CIT: variants seen among roughly 807,000 people sequenced by gnomAD.
CIT encodes citron Rho-interacting kinase.
CIT carries 79 observed loss-of-function variants against 272.7 expected under a neutral mutation model. The observed-to-expected ratio is 0.29, with a 90% CI of 0.24 to 0.35. The LOEUF is 0.35. CIT is among the 10% of genes least tolerant of loss of function. The pLI is 1.00. For synonymous variants in CIT, 948 were observed against 995.6 expected (o/e 0.95, Z 0.90); for missense variants, 1,909 against 2,618.3 (o/e 0.73, Z 5.91).
intron 9 of CIT, among the ~76,000 whole-genome samples, chr12:119,814,183 A>G (rs1273135135): frequency 1.3e-5 from 2 of 152,202 alleles, no homozygotes; most frequent in East Asian, 1.9e-4. Flanking sequence ...AAAGTAGAAT[A>G]TTACATATTT....
chr12:119,748,374 T>C (rs1047277375), intron 23 of CIT, among the ~76,000 whole-genome samples: 1 of 152,296 alleles, frequency 6.6e-6, no homozygotes, highest in East Asian at 1.9e-4. Context: ...AAAAGTAAAC[T>C]ACAATGTAGC....
At chr12:119,781,762 G>C (rs772983703) in intron 13 of CIT, among the ~76,000 whole-genome samples, 7 of 152,174 alleles carry the variant, frequency 4.6e-5, no homozygotes, top group Admixed American at 6.5e-5. Flanking sequence ...TGTTAATCCT[G>C]ACTTGACCTT....
intron 28 of CIT, among the ~76,000 whole-genome samples, chr12:119,721,957 G>A (rs936623639): frequency 6.6e-6 from 1 of 152,196 alleles, no homozygotes; most frequent in Non-Finnish European, 1.5e-5. Flanking sequence ...ATTAGGGTAA[G>A]AGACCCCAAC....
intron 23 of CIT, among the ~76,000 whole-genome samples, chr12:119,743,913 C>T (rs1314465130): frequency 6.6e-6 from 1 of 152,002 alleles, no homozygotes; most frequent in Non-Finnish European, 1.5e-5. Context: ...AAGGCAGAGA[C>T]CAAGAATCTT....
intron 40 of CIT, among the ~76,000 whole-genome samples, chr12:119,705,771 C>CAAAAAAA (rs148188101): frequency 1.1e-4 from 5 of 46,620 alleles, no homozygotes; most frequent in Non-Finnish European, 1.9e-4. Flanking sequence ...GACTCTGTCT[C>CAAAAAAA]AAAAAAAAAA....
intron 20 of CIT, among the ~76,000 whole-genome samples, chr12:119,759,728 C>G (rs1961508316): frequency 6.6e-6 from 1 of 152,064 alleles, no homozygotes; most frequent in Non-Finnish European, 1.5e-5. Context: ...CAAAACCATC[C>G]CCCCACCCCT....
In CIT at chr12:119,710,560, T is replaced by C. The variant is rs1311895819; in HGVS notation, c.4915A>G (p.Thr1639Ala). 1 of 1,614,232 alleles carries C rather than the reference T, an allele frequency of 6.2e-7. No homozygotes were observed. Among genetic ancestry groups the C allele is most frequent in the South Asian group, 1.1e-5 (1 of 91,084 alleles). Residue 1639 changes from threonine (T) to alanine (A), a missense_variant, in exon 38 of 48, where the codon ACG becomes GCG. Coordinates refer to ENST00000392521, the MANE Select transcript of CIT (RefSeq NM_001206999.2). The surrounding 1 kb of genome is among the most constrained non-coding windows in gnomAD (Gnocchi z 5.6). ...ATTACCTGGTCACTGAAGGGCAGCG[T>C]GCAGTTCATGTCTAGACGGTCATCA... ...EGDDRLDMNC[T>A]LPFSDQVVLV... is the part of the protein sequence containing the mutation.
chr12:119,782,412 T>TTC (rs1964382591), intron 13 of CIT, 106 bp downstream of exon 13: 27 of 1,319,016 alleles, frequency 2.0e-5, no homozygotes, highest in Non-Finnish European at 2.6e-5. Context: ...CCCCCACCCT[T>TTC]TCTCTCTCTC....
intron 3 of CIT, among the ~76,000 whole-genome samples, chr12:119,863,332 A>G (rs11064940): frequency 0.046 from 7,004 of 152,016 alleles, 286 homozygotes; most frequent in African/African-American, 0.11. Flanking sequence ...GGACACTAAG[A>G]AGGGAACAAC....
At chr12:119,832,231 CT>C (rs1968688935) in intron 7 of CIT, among the ~76,000 whole-genome samples, 1 of 152,186 alleles carries the variant, frequency 6.6e-6, no homozygotes, top group Non-Finnish European at 1.5e-5. Flanking sequence ...AGTAGTCTCA[CT>C]CTTGATCTCA....
chr12:119,788,860 G>C (rs909828308), intron 10 of CIT, among the ~76,000 whole-genome samples: 4 of 152,080 alleles, frequency 2.6e-5, no homozygotes, highest in African/African-American at 9.7e-5. Context: ...GCAATTAAGA[G>C]CTCTTTAGAA....
chr12:119,780,846 C>T (rs1452756429), intron 13 of CIT, among the ~76,000 whole-genome samples: 1 of 152,162 alleles, frequency 6.6e-6, no homozygotes, highest in African/African-American at 2.4e-5. Flanking sequence ...CGTTTCTTCC[C>T]CACAATGGAA....
At chr12:119,752,013 C>T in intron 23 of CIT, 37 bp downstream of exon 23, 1 of 1,578,556 alleles carries the variant, frequency 6.3e-7, no homozygotes, top group Non-Finnish European at 8.7e-7. Context: ...CTAGCTGAGG[C>T]CTTTAGCAAC....
chr12:119,716,416 T>TAAAAAAAAA (rs1481968570), intron 32 of CIT, among the ~76,000 whole-genome samples: 44 of 70,548 alleles, frequency 6.2e-4, no homozygotes, highest in African/African-American at 1.2e-3. Context: ...AAAAAAAAAG[T>TAAAAAAAAA]AAAGCTCTTT....
intron 24 of CIT, among the ~76,000 whole-genome samples, chr12:119,736,963 C>T (rs1278615881): frequency 6.6e-6 from 1 of 152,150 alleles, no homozygotes. Context: ...AGCCATCTGA[C>T]CTTTGCTGGG....
At chr12:119,700,960 G>T in intron 43 of CIT, 135 bp from the exon 44 acceptor site, 1 of 563,524 alleles carries the variant, frequency 1.8e-6, no homozygotes, top group Non-Finnish European at 3.2e-6. Flanking sequence ...AAAACCAGAG[G>T]CCCTCTGCTG....
intron 13 of CIT, 111 bp downstream of exon 13, chr12:119,782,407 A>AC (rs1439461264): frequency 5.6e-6 from 7 of 1,256,566 alleles, no homozygotes; most frequent in Admixed American, 2.0e-5. Context: ...CTCTGCCCCC[A>AC]CCCTTTCTCT....
chr12:119,690,374 C>A lies in CIT; in HGVS notation c.5963G>T (p.Gly1988Val). Residue 1988 changes from glycine to valine, a missense_variant, in exon 47 of 48, where the codon GGC becomes GTC. Coordinates refer to ENST00000392521, the MANE Select transcript of CIT (RefSeq NM_001206999.2). This position sits in a 1 kb window ranked among gnomAD's most constrained non-coding sequence, Gnocchi z 6.0. The part of the protein sequence containing the change: ...RVASSPAPPE[G>V]PSHPREPSTP... The stretch of plus-strand genomic sequence containing the variant: ...GCTTGGCTCTCGCGGGTGGCTGGGG[C>A]CTTCGGGCGGCGCTGGGCTGGAGGC... 6.3e-7 allele frequency: 1 copy of A among 1,597,526 alleles called. No individual in the cohort carries two copies. Among genetic ancestry groups the A allele is most frequent in the South Asian group, 1.1e-5 (1 of 90,184 alleles).
At chr12:119,836,741 T>A (rs1668731716) in intron 5 of CIT, among the ~76,000 whole-genome samples, 1 of 152,086 alleles carries the variant, frequency 6.6e-6, no homozygotes, top group Non-Finnish European at 1.5e-5. Context: ...GCTGAGAAAG[T>A]CATACGCATA....
Sources: allele counts gnomAD v4.1 joint callset (sites outside exome capture counted in the v4.1 genomes callset), GRCh38; gene constraint gnomAD v4.1.1; non-coding constraint Gnocchi (gnomAD v3.1); transcripts MANE v1.5; gene names NCBI Gene and HGNC (gene_info 2026-07-23, HGNC 2026-07-21).